ROR1: variants seen among roughly 807,000 people sequenced by gnomAD.
ROR1 encodes inactive tyrosine-protein kinase transmembrane receptor ROR1.
Under a neutral mutation model 78.8 loss-of-function variants are expected in ROR1, and 19 were observed. That is an observed-to-expected ratio of 0.24 (90% CI 0.17 to 0.35). The LOEUF (loss-of-function observed/expected upper bound fraction) is 0.35. ROR1 is among the 10% of genes least tolerant of loss of function. The pLI is 1.00. For missense variants in ROR1, 917 were observed against 1,177.8 expected, an observed-to-expected ratio of 0.78 and a Z score of 3.24; for synonymous variants, 386 against 433.6, an observed-to-expected ratio of 0.89 and a Z score of 1.36.
chr1:64,137,508 C>A lies in ROR1; in HGVS notation c.610+12C>A, dbSNP rs776674186. The A allele has an allele frequency of 2.1e-5, 34 of 1,606,422 alleles. No homozygotes were observed. The highest frequency in any genetic ancestry group is 5.1e-5 in the Admixed American group (3 of 58,670). On this transcript the variant is annotated intron_variant, in intron 5 of 8. Transcript: ENST00000371079. ...AAATCAGATCACAGGTAGGTAGCACCAATGAAATTATATTTGTCCCTTGAA... is the reference window on the plus strand; with the variant it reads ...AAATCAGATCACAGGTAGGTAGCACAAATGAAATTATATTTGTCCCTTGAA...
intron 4 of ROR1, among the ~76,000 whole-genome samples, chr1:64,073,457 T>C (rs1252538025): frequency 6.6e-6 from 1 of 152,198 alleles, no homozygotes; most frequent in Non-Finnish European, 1.5e-5. Flanking sequence ...GACTTCAATT[T>C]TTTGAAGACT....
intron 1 of ROR1, among the ~76,000 whole-genome samples, chr1:63,844,933 G>T (rs1269753857): frequency 6.6e-6 from 1 of 152,102 alleles, no homozygotes; most frequent in East Asian, 1.9e-4. Context: ...TAATTAAATT[G>T]TCTCTGCAGC....
intron 4 of ROR1, among the ~76,000 whole-genome samples, chr1:64,136,150 T>C (rs1649094305): frequency 6.6e-6 from 1 of 152,188 alleles, no homozygotes; most frequent in African/African-American, 2.4e-5. Context: ...TTTTACATTA[T>C]CTGATGGGAT....
At chr1:64,092,067 A>C (rs1303326650) in intron 4 of ROR1, among the ~76,000 whole-genome samples, 1 of 151,818 alleles carries the variant, frequency 6.6e-6, no homozygotes, top group African/African-American at 2.4e-5. Flanking sequence ...GTAGTTGCCC[A>C]TGCTTTTGGA....
intron 4 of ROR1, among the ~76,000 whole-genome samples, chr1:64,087,912 C>T (rs1344844643): frequency 6.6e-6 from 1 of 152,176 alleles, no homozygotes; most frequent in Non-Finnish European, 1.5e-5. Context: ...GATAATGACT[C>T]AACTGGTGAG....
intron 1 of ROR1, among the ~76,000 whole-genome samples, chr1:63,795,680 AAGTACT>A (rs1644756011): frequency 6.6e-6 from 1 of 152,178 alleles, no homozygotes; most frequent in African/African-American, 2.4e-5. Flanking sequence ...TTAGACTGCT[AAGTACT>A]ACTCTTCAAA....
intron 2 of ROR1, among the ~76,000 whole-genome samples, chr1:64,009,823 T>C (rs865975301): frequency 2.6e-5 from 4 of 152,332 alleles, no homozygotes; most frequent in Middle Eastern, 3.4e-3. Flanking sequence ...TGCATAAGGA[T>C]GGCAGCTTCC....
intron 4 of ROR1, among the ~76,000 whole-genome samples, chr1:64,082,599 T>C (rs748369697): frequency 2.0e-5 from 3 of 152,204 alleles, no homozygotes; most frequent in Non-Finnish European, 2.9e-5. Flanking sequence ...GGCCATACCA[T>C]GCAAGCTGAG....
chr1:63,783,936 G>A (rs1413994914), intron 1 of ROR1, among the ~76,000 whole-genome samples: 1 of 152,114 alleles, frequency 6.6e-6, no homozygotes, highest in African/African-American at 2.4e-5. Context: ...ACCTGCCCAA[G>A]ACCACACAGA....
intron 4 of ROR1, among the ~76,000 whole-genome samples, chr1:64,135,370 AG>A (rs1411519391): frequency 2.0e-5 from 3 of 152,174 alleles, no homozygotes; most frequent in African/African-American, 7.2e-5. Context: ...GGGTAATTCC[AG>A]GGTTTTGTCC....
intron 1 of ROR1, among the ~76,000 whole-genome samples, chr1:63,924,526 G>A (rs1253318698): frequency 9.2e-5 from 14 of 152,214 alleles, no homozygotes; most frequent in Admixed American, 2.0e-4. Context: ...AGAGCATTGC[G>A]GTATGGTGAG....
At chr1:64,107,229 G>A (rs917523619) in intron 4 of ROR1, among the ~76,000 whole-genome samples, 3 of 152,120 alleles carry the variant, frequency 2.0e-5, no homozygotes, top group South Asian at 2.1e-4. Flanking sequence ...TTTTGCAGAC[G>A]ACAAAAGTGA....
intron 1 of ROR1, among the ~76,000 whole-genome samples, chr1:63,776,656 G>T (rs1455391421): frequency 6.6e-6 from 1 of 152,152 alleles, no homozygotes; most frequent in Non-Finnish European, 1.5e-5. Context: ...TTCGGGTCTG[G>T]TTCCTTGGTT....
At chr1:64,078,757 G>T (rs72685146) in intron 4 of ROR1, among the ~76,000 whole-genome samples, 3,981 of 152,272 alleles carry the variant, frequency 0.026, 62 homozygotes, top group Non-Finnish European at 0.041. Flanking sequence ...AGAAGGAAAA[G>T]ATACGATCTT....
At chr1:64,125,534 G>A (rs764749710) in intron 4 of ROR1, among the ~76,000 whole-genome samples, 4 of 152,124 alleles carry the variant, frequency 2.6e-5, no homozygotes, top group Non-Finnish European at 5.9e-5. Flanking sequence ...AGTCAGATAC[G>A]ATTCCGTACT....
At chr1:63,884,284 G>C (rs1645342440) in intron 1 of ROR1, among the ~76,000 whole-genome samples, 1 of 152,168 alleles carries the variant, frequency 6.6e-6, no homozygotes, top group Non-Finnish European at 1.5e-5. Context: ...ATTCCCACCT[G>C]CTGTTCCTGG....
At chr1:63,972,317 C>T (rs1049359942) in intron 1 of ROR1, among the ~76,000 whole-genome samples, 11 of 152,062 alleles carry the variant, frequency 7.2e-5, no homozygotes, top group Admixed American at 3.3e-4. Flanking sequence ...AGAGAGGTTA[C>T]GTGATTTGCC....
intron 1 of ROR1, among the ~76,000 whole-genome samples, chr1:63,905,789 C>A (rs961472203): frequency 6.6e-6 from 1 of 151,996 alleles, no homozygotes; most frequent in Non-Finnish European, 1.5e-5. Flanking sequence ...GAACTAAATT[C>A]AAAAATTATA....
intron 4 of ROR1, among the ~76,000 whole-genome samples, chr1:64,124,404 CTG>C (rs1648643295): frequency 1.3e-5 from 2 of 152,186 alleles, no homozygotes; most frequent in South Asian, 4.1e-4. Context: ...CCTTCCCTCT[CTG>C]TCTCCATCTG....
Sources: allele counts gnomAD v4.1 joint callset (sites outside exome capture counted in the v4.1 genomes callset), GRCh38; gene constraint gnomAD v4.1.1; transcripts MANE v1.5; gene names NCBI Gene and HGNC (gene_info 2026-07-23, HGNC 2026-07-21).